KLRD1: variants seen among roughly 807,000 people sequenced by gnomAD.
KLRD1 encodes the protein natural killer cells antigen CD94.
In KLRD1, 21 loss-of-function variants were observed where a neutral mutation model predicts 22.6. The ratio of observed to expected loss-of-function variants is 0.93; its 90% CI spans 0.66 to 1.34. The LOEUF (loss-of-function observed/expected upper bound fraction) is 1.34, where lower values mean the gene tolerates loss of function less well. Ranked by LOEUF, KLRD1 falls within the 40% of genes most tolerant of loss-of-function variation. The pLI is 0.00. For missense variants in KLRD1, 183 were observed against 208.6 expected (o/e 0.88, Z 0.76); for synonymous variants, 59 against 71.1 (o/e 0.83, Z 0.85).
At chr12:10,277,054 G>A (rs1949598487) in intron 1 of KLRD1, among the ~76,000 whole-genome samples, 2 of 149,740 alleles carry the variant, frequency 1.3e-5, no homozygotes, top group South Asian at 4.2e-4. Flanking sequence ...AGTCAAGCCT[G>A]AAGAAGAAAT....
rs897207602 is a variant in KLRD1 at position 10,296,510 on chromosome 12, C to T, written c.-100-11468C>T. Among the ~76,000 whole-genome samples, 45 of 151,826 alleles carry T rather than the reference C, an allele frequency of 3.0e-4. 1 individual carries two copies. The highest frequency in any genetic ancestry group is 4.4e-4 in the Non-Finnish European group (30 of 67,950). On this transcript the variant is annotated intron_variant, in intron 1 of 5. Transcript: ENST00000544747. ...CAGCCTGGGCGACACAGCGAGACTC[C>T]GTCTCAAAAATAAAAATAAAAAAAA...
rs998256591 is a variant in KLRD1, at chr12:10,271,101, T to TG, written c.-100-36877_-100-36876insG. 2.0e-4 allele frequency among the ~76,000 whole-genome samples: 30 copies of TG among 151,082 alleles called. No individual in the cohort carries two copies. In the East Asian group the frequency reaches 5.1e-3, roughly 26 times the overall value. ...AGCCGCCTCCACTCCCTAATTGTTTTTTTTTTTTTTAAACTATATCTTTCA... is the reference window on the plus strand; with the variant it reads ...AGCCGCCTCCACTCCCTAATTGTTTTGTTTTTTTTTTAAACTATATCTTTCA... On this transcript the variant is annotated intron_variant, in intron 1 of 5. Transcript: ENST00000544747.
At chr12:10,298,269 G>C (rs564765719) in intron 1 of KLRD1, among the ~76,000 whole-genome samples, 1 of 152,300 alleles carries the variant, frequency 6.6e-6, no homozygotes, top group South Asian at 2.1e-4. Context: ...ATGAACTTAA[G>C]TTTGTGGTGA....
chr12:10,279,140 CCTT>C (rs1317892862), intron 1 of KLRD1, among the ~76,000 whole-genome samples: 2 of 152,158 alleles, frequency 1.3e-5, no homozygotes, highest in East Asian at 3.9e-4. Context: ...TCCTCACCCT[CCTT>C]CTACTCTCCA....
chr12:10,246,897 G>A lies in KLRD1; in HGVS notation c.-101+20664G>A, dbSNP rs141461226. On this transcript the variant is annotated intron_variant, in intron 1 of 5. Coordinates refer to the KLRD1 transcript ENST00000544747. Reference sequence around the variant, plus strand: ...AGATGTTTCTTAGTCTAAATGAGTAGGGAATTTCTTTTTTCTTTTTCTTTT... The same window carrying A: ...AGATGTTTCTTAGTCTAAATGAGTAAGGAATTTCTTTTTTCTTTTTCTTTT... 1.7e-3 allele frequency among the ~76,000 whole-genome samples: 256 copies of A among 150,412 alleles called. 1 individual carries two copies. In the Middle Eastern group the frequency reaches 0.038, roughly 22 times the overall value.
rs1949732322 is a variant in KLRD1 at position 10,288,461 on chromosome 12, A to T, written c.-100-19517A>T. 2.0e-5 allele frequency among the ~76,000 whole-genome samples: 3 copies of T among 152,348 alleles called. No individual in the cohort carries two copies. The South Asian group carries it at 6.2e-4, about 32-fold the overall frequency. ...AATATAATTTTCTTACAGTTATGCA[A>T]AATGACTCTCTAGATTTTAATCCGT... On this transcript the variant is annotated intron_variant, in intron 1 of 5. Coordinates refer to the KLRD1 transcript ENST00000544747.
chr12:10,252,692 G>A (rs1417259682), intron 1 of KLRD1, among the ~76,000 whole-genome samples: 1 of 152,156 alleles, frequency 6.6e-6, no homozygotes, highest in Non-Finnish European at 1.5e-5. Flanking sequence ...GATGTGTCTT[G>A]AGAATGTATA....
At chr12:10,303,479 G>T (rs1448081918), upstream of KLRD1, among the ~76,000 whole-genome samples, 1 of 152,140 alleles carries the variant, frequency 6.6e-6, no homozygotes, top group African/African-American at 2.4e-5. Context: ...GTAAATGAGA[G>T]TCCTTCAGGG....
chr12:10,310,379 A>G (rs1592085893), intron 3 of KLRD1, among the ~76,000 whole-genome samples: 2 of 152,192 alleles, frequency 1.3e-5, no homozygotes, highest in African/African-American at 2.4e-5. Flanking sequence ...CTCGGCTTCC[A>G]AAGTGTTGGG....
chr12:10,256,338 A>G (rs1565449643), intron 1 of KLRD1, among the ~76,000 whole-genome samples: 1 of 147,108 alleles, frequency 6.8e-6, no homozygotes, highest in South Asian at 2.1e-4. Context: ...AAGGACTTAT[A>G]TTTTCCATTT....
Position 10,321,055 on chromosome 12 carries a change from G to T in KLRD1, c.*6262G>T, listed in dbSNP as rs1434183555. The T allele has an allele frequency of 6.6e-6, 1 of 152,192 alleles. No individual in the cohort carries two copies. Among genetic ancestry groups the T allele is most frequent in the Non-Finnish European group, 1.5e-5 (1 of 68,024 alleles). 9.4% of individuals were successfully genotyped at this position (152,192 alleles called of 1,614,324 possible). ...AATAATTCAAAGGACAGAACTAAGA[G>T]CCTGTAAGGTGGATCCAAGAGTTAT... On this transcript the variant is annotated 3_prime_UTR_variant, in exon 6 of 6. Transcript: ENST00000336164.
intron 1 of KLRD1, chr12:10,308,576 A>C (rs1949977351): frequency 6.4e-6 from 1 of 157,016 alleles, no homozygotes; most frequent in African/African-American, 2.4e-5. Context: ...TTTTAGGTGA[A>C]AGGCCTAAAA....
intron 1 of KLRD1, among the ~76,000 whole-genome samples, chr12:10,272,188 G>C (rs1007603861): frequency 6.6e-6 from 1 of 152,102 alleles, no homozygotes; most frequent in Non-Finnish European, 1.5e-5. Context: ...ATGAAAAGCC[G>C]TTATCTAATT....
In KLRD1 at chr12:10,312,580, G is replaced by A. The variant is rs553399696; in HGVS notation, c.316-830G>A. The stretch of plus-strand genomic sequence containing the variant: ...TTTTTAGTAGAGACGCGGTTTCACC[G>A]TGTTAGCCAGGATGGTCTCGATCTT... On this transcript the variant is annotated intron_variant, in intron 4 of 5. Coordinates refer to ENST00000336164, the MANE Select transcript of KLRD1 (RefSeq NM_002262.5). Among the ~76,000 whole-genome samples the A allele has an allele frequency of 9.7e-3, 1,423 of 146,638 alleles. 27 individuals carry two copies. Among genetic ancestry groups the A allele is most frequent in the African/African-American group, 0.033 (1,326 of 39,908 alleles).
intron 1 of KLRD1, among the ~76,000 whole-genome samples, chr12:10,267,338 C>T (rs1376123230): frequency 6.6e-6 from 1 of 151,972 alleles, no homozygotes; most frequent in African/African-American, 2.4e-5. Flanking sequence ...CACTAATGAC[C>T]TTCTTTATGC....
At chr12:10,307,690 A>G (rs1949954847), upstream of KLRD1, 1 of 165,058 alleles carries the variant, frequency 6.1e-6, no homozygotes, top group Admixed American at 6.2e-5. Flanking sequence ...TTTCCAGATA[A>G]CCCTTTAAAA....
At chr12:10,314,050 G>C (rs917886160) in intron 5 of KLRD1, among the ~76,000 whole-genome samples, 2 of 152,118 alleles carry the variant, frequency 1.3e-5, no homozygotes, top group Admixed American at 6.5e-5. Context: ...ATGCTCAAGT[G>C]ACATGAAATT....
upstream of KLRD1, among the ~76,000 whole-genome samples, chr12:10,302,192 G>A (rs1258421372): frequency 6.6e-6 from 1 of 152,204 alleles, no homozygotes; most frequent in Non-Finnish European, 1.5e-5. Context: ...AAATGGTGTT[G>A]ATAGACTTAC....
intron 1 of KLRD1, among the ~76,000 whole-genome samples, chr12:10,274,885 T>C (rs1383082597): frequency 6.6e-6 from 1 of 152,064 alleles, no homozygotes; most frequent in African/African-American, 2.4e-5. Context: ...AGGTAATGGT[T>C]GTTTTGTATC....
Sources: allele counts gnomAD v4.1 joint callset (sites outside exome capture counted in the v4.1 genomes callset), GRCh38; gene constraint gnomAD v4.1.1; transcripts MANE v1.5; gene names NCBI Gene and HGNC (gene_info 2026-07-23, HGNC 2026-07-21).